Variants in PLD5 observed in about 807,000 individuals in gnomAD.
PLD5 encodes the protein phospholipase D family member 5, also known as inactive phospholipase D5.
In PLD5, 36 loss-of-function variants were observed where a neutral mutation model predicts 61.1. That is an observed-to-expected ratio of 0.59 (90% CI 0.45 to 0.78). The LOEUF is 0.78. Ranked by LOEUF, PLD5 falls within the 30% of genes least tolerant of loss-of-function variation. PLD5 has a pLI of 0.00. For synonymous variants in PLD5, 243 were observed against 242.8 expected, an observed-to-expected ratio of 1.00 and a Z score of -0.01; for missense variants, 515 against 644.4, an observed-to-expected ratio of 0.80 and a Z score of 2.17.
chr1:242,110,657 A>G (rs1007195808), intron 7 of PLD5, among the ~76,000 whole-genome samples: 1 of 152,160 alleles, frequency 6.6e-6, no homozygotes, highest in Admixed American at 6.5e-5. Context: ...TAAAAATACA[A>G]AAATTAGCTC....
intron 1 of PLD5, among the ~76,000 whole-genome samples, chr1:242,462,368 G>A (rs77209577): frequency 0.041 from 6,264 of 152,180 alleles, 197 homozygotes; most frequent in Middle Eastern, 0.061. Flanking sequence ...CATAATCCTA[G>A]AGGAATTAAC....
At chr1:242,369,895 C>T (rs1298042705) in intron 1 of PLD5, among the ~76,000 whole-genome samples, 1 of 152,100 alleles carries the variant, frequency 6.6e-6, no homozygotes, top group Non-Finnish European at 1.5e-5. Context: ...AGATACTATC[C>T]CAAGTTTCAC....
At chr1:242,438,126 C>A (rs1657867837) in intron 1 of PLD5, among the ~76,000 whole-genome samples, 1 of 152,092 alleles carries the variant, frequency 6.6e-6, no homozygotes, top group South Asian at 2.1e-4. Flanking sequence ...GATTATGGTG[C>A]CTGATACTAA....
At chr1:242,346,799 G>A (rs760909955) in intron 2 of PLD5, among the ~76,000 whole-genome samples, 3 of 152,022 alleles carry the variant, frequency 2.0e-5, no homozygotes, top group Admixed American at 6.6e-5. Flanking sequence ...GATGCTCTCC[G>A]TCCTCCCACC....
intron 2 of PLD5, among the ~76,000 whole-genome samples, chr1:242,327,089 TCTC>T (rs1658841553): frequency 1.3e-5 from 2 of 151,892 alleles, no homozygotes; most frequent in East Asian, 3.9e-4. Flanking sequence ...ATGGTCTCGA[TCTC>T]CTGACCTCGT....
At position 242,086,549 on chromosome 1, in the gene PLD5, T is replaced by C. The variant is rs1392312369; in HGVS notation, c.*3305A>G. 3 of 152,136 alleles carry C rather than the reference T, an allele frequency of 2.0e-5. No homozygotes were observed. Among genetic ancestry groups the C allele is most frequent in the Non-Finnish European group, 4.4e-5 (3 of 68,048 alleles). 9.4% of individuals were successfully genotyped at this position (152,136 alleles called of 1,614,324 possible). ...ACAATGCAGTGGAGGCCCACAGTAT[T>C]GATCTTTGATGGTGTGTGCAATGAT... On this transcript the variant is annotated 3_prime_UTR_variant, in exon 10 of 10. Coordinates refer to ENST00000536534, the MANE Select transcript of PLD5 (RefSeq NM_001372062.1).
At chr1:242,097,585 G>T (rs1347142161) in intron 9 of PLD5, among the ~76,000 whole-genome samples, 1 of 152,124 alleles carries the variant, frequency 6.6e-6, no homozygotes, top group East Asian at 1.9e-4. Context: ...TTGCCCACTT[G>T]TTGATGGGGT....
At chr1:242,337,538 G>A (rs1046144884) in intron 2 of PLD5, among the ~76,000 whole-genome samples, 2 of 152,194 alleles carry the variant, frequency 1.3e-5, no homozygotes, top group Non-Finnish European at 2.9e-5. Flanking sequence ...GGCTGAGGCC[G>A]AAGAATTGCT....
chr1:242,400,448 G>A (rs1366729653), intron 1 of PLD5, among the ~76,000 whole-genome samples: 1 of 151,988 alleles, frequency 6.6e-6, no homozygotes, highest in Non-Finnish European at 1.5e-5. Flanking sequence ...TTTTCAAAAG[G>A]CCTCAATTAT....
At chr1:242,219,047 AAACTATAAAGCTGATAAC>A (rs1458942288) in intron 5 of PLD5, among the ~76,000 whole-genome samples, 1 of 152,246 alleles carries the variant, frequency 6.6e-6, no homozygotes, top group Non-Finnish European at 1.5e-5. Flanking sequence ...ACAACTTCAC[AAACTATAAAGCTGATAAC>A]ATAGGTTTAA....
intron 1 of PLD5, among the ~76,000 whole-genome samples, chr1:242,449,704 T>C (rs914399552): frequency 2.7e-4 from 41 of 152,222 alleles, no homozygotes; most frequent in African/African-American, 9.2e-4. Flanking sequence ...AGGAGTTGTG[T>C]TCCTTGTGGA....
intron 1 of PLD5, among the ~76,000 whole-genome samples, chr1:242,408,837 G>C (rs1237258804): frequency 6.6e-6 from 1 of 152,156 alleles, no homozygotes; most frequent in Non-Finnish European, 1.5e-5. Context: ...AGGAGGCCGA[G>C]ATGGGCAGAT....
At chr1:242,459,281 G>C (rs1482065161) in intron 1 of PLD5, among the ~76,000 whole-genome samples, 1 of 152,200 alleles carries the variant, frequency 6.6e-6, no homozygotes, top group Non-Finnish European at 1.5e-5. Flanking sequence ...TTTAAGTTTA[G>C]ACATAAGCAA....
intron 2 of PLD5, among the ~76,000 whole-genome samples, chr1:242,326,163 T>C (rs1476254075): frequency 6.6e-6 from 1 of 151,468 alleles, no homozygotes; most frequent in Non-Finnish European, 1.5e-5. Context: ...TGTGAACCCA[T>C]GTGCCCGGCC....
At chr1:242,510,146 G>A (rs1016484434) in intron 1 of PLD5, among the ~76,000 whole-genome samples, 1 of 152,092 alleles carries the variant, frequency 6.6e-6, no homozygotes, top group African/African-American at 2.4e-5. Context: ...TCAGATAATA[G>A]TGTCTTGGCT....
chr1:242,348,328 A>C, intron 1 of PLD5, 86 bp from the exon 2 acceptor site: 1 of 1,412,604 alleles, frequency 7.1e-7, no homozygotes, highest in Non-Finnish European at 9.5e-7. Flanking sequence ...TCAACATTCC[A>C]TGAAAAATGG....
intron 2 of PLD5, among the ~76,000 whole-genome samples, chr1:242,300,684 G>T (rs1424805966): frequency 1.3e-5 from 2 of 151,558 alleles, no homozygotes; most frequent in Non-Finnish European, 2.9e-5. Flanking sequence ...TTGGACAGGG[G>T]TGGAACATGA....
chr1:242,144,666 A>G (rs1375708897), intron 5 of PLD5, among the ~76,000 whole-genome samples: 2 of 152,204 alleles, frequency 1.3e-5, no homozygotes, highest in African/African-American at 4.8e-5. Flanking sequence ...CTGTGGTCCC[A>G]GCTATTCAGG....
intron 5 of PLD5, among the ~76,000 whole-genome samples, chr1:242,156,049 A>G (rs1558282161): frequency 6.6e-6 from 1 of 152,130 alleles, no homozygotes; most frequent in Non-Finnish European, 1.5e-5. Context: ...TTGGGTGCAT[A>G]TACGTTTAGG....
Sources: allele counts gnomAD v4.1 joint callset (sites outside exome capture counted in the v4.1 genomes callset), GRCh38; gene constraint gnomAD v4.1.1; transcripts MANE v1.5; gene names NCBI Gene and HGNC (gene_info 2026-07-23, HGNC 2026-07-21).